The following PDE10A variants were observed in gnomAD, a reference collection of about 807,000 sequenced individuals.
PDE10A encodes the protein phosphodiesterase 10A.
PDE10A carries 39 observed loss-of-function variants against 97.7 expected under a neutral mutation model. The ratio of observed to expected loss-of-function variants is 0.40; its 90% confidence interval spans 0.31 to 0.52. The LOEUF is 0.52. Ranked by LOEUF, PDE10A falls within the 20% of genes least tolerant of loss-of-function variation. The pLI is 0.56. For synonymous variants in PDE10A, 371 were observed against 376.8 expected (o/e 0.98, Z 0.18); for missense variants, 731 against 1,047.8 (o/e 0.70, Z 4.17).
At chr6:165,904,831 A>G (rs1215843664) in intron 1 of PDE10A, among the ~76,000 whole-genome samples, 1 of 152,208 alleles carries the variant, frequency 6.6e-6, no homozygotes, top group African/African-American at 2.4e-5. Context: ...AGTCACATTC[A>G]ACTCTCCTTC....
At position 165,897,232 on chromosome 6, in the gene PDE10A, G is replaced by A. The variant is rs114411488; in HGVS notation, c.-615+90297C>T. On this transcript the variant is annotated intron_variant, in intron 1 of 19. Coordinates refer to the PDE10A transcript ENST00000366882. ...TGGAAACAGTGGCCACATGGCTAGGGTCCTGGCAGTGGAGTTTAGAGGAGA... is the reference window on the plus strand; with the variant it reads ...TGGAAACAGTGGCCACATGGCTAGGATCCTGGCAGTGGAGTTTAGAGGAGA... Among the ~76,000 whole-genome samples the A allele has an allele frequency of 3.0e-3, 451 of 152,320 alleles. 6 individuals carry two copies. The highest frequency in any genetic ancestry group is 0.01 in the African/African-American group (435 of 41,570).
chr6:165,387,076 A>C (rs759583808), intron 17 of PDE10A, among the ~76,000 whole-genome samples: 1 of 152,182 alleles, frequency 6.6e-6, no homozygotes, highest in Non-Finnish European at 1.5e-5. Flanking sequence ...ATGTAAACAT[A>C]TGTCATTTAA....
chr6:165,613,267 T>C (rs949939488), intron 1 of PDE10A, among the ~76,000 whole-genome samples: 2 of 152,198 alleles, frequency 1.3e-5, no homozygotes, highest in African/African-American at 4.8e-5. Context: ...CAGTATTCAA[T>C]TGACCAAATA....
chr6:165,824,103 G>C (rs1779657404), intron 1 of PDE10A, among the ~76,000 whole-genome samples: 1 of 152,178 alleles, frequency 6.6e-6, no homozygotes, highest in Admixed American at 6.5e-5. Context: ...TGGTGACTCA[G>C]TCAAATGCCT....
intron 1 of PDE10A, among the ~76,000 whole-genome samples, chr6:165,656,256 TCTCACACACACACA>T (rs1245413289): frequency 9.4e-6 from 1 of 106,700 alleles, no homozygotes; most frequent in Admixed American, 1.1e-4. Context: ...TCTCTCTCTC[TCTCACACACACACA>T]CACACACACA....
At chr6:165,912,135 C>G (rs887620913) in intron 1 of PDE10A, among the ~76,000 whole-genome samples, 1 of 151,950 alleles carries the variant, frequency 6.6e-6, no homozygotes, top group Non-Finnish European at 1.5e-5. Flanking sequence ...CTGTCTATAA[C>G]CTATTATCTA....
At chr6:165,518,556 C>T (rs774049340) in intron 2 of PDE10A, among the ~76,000 whole-genome samples, 2 of 152,110 alleles carry the variant, frequency 1.3e-5, no homozygotes, top group Non-Finnish European at 2.9e-5. Context: ...GTGTTCAAGT[C>T]GCCCTCACTT....
At chr6:165,585,109 T>C (rs2128359162) in intron 1 of PDE10A, among the ~76,000 whole-genome samples, 1 of 152,318 alleles carries the variant, frequency 6.6e-6, no homozygotes, top group Middle Eastern at 3.4e-3. Context: ...GGTATTTAAG[T>C]TCCAGGAAGT....
intron 1 of PDE10A, among the ~76,000 whole-genome samples, chr6:165,851,532 A>C (rs1245764335): frequency 6.6e-6 from 1 of 152,158 alleles, no homozygotes; most frequent in East Asian, 1.9e-4. Context: ...TCCTGATAAA[A>C]CTTTACTGTC....
intron 1 of PDE10A, among the ~76,000 whole-genome samples, chr6:165,934,251 T>G (rs1322786587): frequency 6.6e-6 from 1 of 151,548 alleles, no homozygotes; most frequent in Non-Finnish European, 1.5e-5. Flanking sequence ...CCGCCAATCT[T>G]GGCCTCCCAA....
At chr6:165,897,782 T>C (rs1000485500) in intron 1 of PDE10A, among the ~76,000 whole-genome samples, 5 of 151,946 alleles carry the variant, frequency 3.3e-5, no homozygotes, top group Non-Finnish European at 7.4e-5. Flanking sequence ...CCCAATGAGA[T>C]GCAGGATAAT....
At position 165,981,209 on chromosome 6, in the gene PDE10A, C is replaced by T. The variant is rs971837994; in HGVS notation, c.-615+6320G>A. On this transcript the variant is annotated intron_variant, in intron 1 of 19. Coordinates refer to the PDE10A transcript ENST00000366882. ...TGCTCTACATTATTGAACTGTGATGCTTTAGAGCTTCTGCCAGTACTAAAA... is the reference window on the plus strand; with the variant it reads ...TGCTCTACATTATTGAACTGTGATGTTTTAGAGCTTCTGCCAGTACTAAAA... Among the ~76,000 whole-genome samples the T allele has an allele frequency of 2.0e-5, 3 of 152,134 alleles. No homozygotes were observed. In the South Asian group the frequency reaches 6.2e-4, roughly 32 times the overall value.
intron 1 of PDE10A, among the ~76,000 whole-genome samples, chr6:165,822,874 G>A (rs1779612803): frequency 6.6e-6 from 1 of 151,338 alleles, no homozygotes. Context: ...TCTTGCTGTT[G>A]CCCAGGCTGG....
intron 18 of PDE10A, among the ~76,000 whole-genome samples, chr6:165,375,689 C>G (rs900853134): frequency 1.3e-5 from 2 of 152,202 alleles, no homozygotes; most frequent in East Asian, 3.8e-4. Context: ...AAGTCAATGT[C>G]TAGCTCCAAA....
chr6:165,944,477 C>T (rs960867572), intron 1 of PDE10A, among the ~76,000 whole-genome samples: 9 of 152,212 alleles, frequency 5.9e-5, no homozygotes, highest in African/African-American at 2.2e-4. Context: ...TCAGGTCTTT[C>T]TCAAGGTGAT....
intron 1 of PDE10A, among the ~76,000 whole-genome samples, chr6:165,915,612 T>C (rs1197297117): frequency 6.6e-6 from 1 of 152,024 alleles, no homozygotes; most frequent in Admixed American, 6.5e-5. Context: ...CTGTTTCCAG[T>C]GATGAGATGA....
chr6:165,555,259 T>C (rs375831947), intron 1 of PDE10A, among the ~76,000 whole-genome samples: 1 of 152,228 alleles, frequency 6.6e-6, no homozygotes, highest in East Asian at 1.9e-4. Context: ...CATGCCTGTA[T>C]CAAAATCTCT....
chr6:165,490,871 C>T (rs1310847899), intron 2 of PDE10A, among the ~76,000 whole-genome samples: 1 of 152,110 alleles, frequency 6.6e-6, no homozygotes, highest in East Asian at 1.9e-4. Context: ...ATAAGAATTC[C>T]TTGAACCTGG....
chr6:165,406,683 G>A (rs896932323), intron 13 of PDE10A, among the ~76,000 whole-genome samples: 4 of 152,096 alleles, frequency 2.6e-5, no homozygotes, highest in African/African-American at 9.7e-5. Flanking sequence ...TGATTTCTGG[G>A]TGTTTCAGTG....
Sources: gnomAD v4.1 joint callset for allele counts (sites outside exome capture counted in the v4.1 genomes callset) on GRCh38, gnomAD v4.1.1 for gene constraint, MANE v1.5 for transcripts, NCBI Gene and HGNC (gene_info 2026-07-23, HGNC 2026-07-21) for gene names.